GABRG1: variants seen among roughly 807,000 people sequenced by gnomAD.
GABRG1 encodes the protein gamma-aminobutyric acid type A receptor subunit gamma1.
Under a neutral mutation model 49.8 loss-of-function variants are expected in GABRG1, and 49 were observed. The observed-to-expected ratio is 0.98, with a 90% CI of 0.78 to 1.25. The LOEUF is 1.25. GABRG1 is among the 50% of genes most tolerant of loss of function. The pLI is 0.00. For missense variants in GABRG1, 552 were observed against 552.3 expected (o/e 1.00, Z 0.01); for synonymous variants, 232 against 185.1 (o/e 1.25, Z -2.06).
rs957992408 is a variant in GABRG1 at position 46,040,144 on chromosome 4, T to A, written c.*844A>T. 3 of 151,908 alleles carry A rather than the reference T, an allele frequency of 2.0e-5. No individual in the cohort carries two copies. The highest frequency in any genetic ancestry group is 7.2e-5 in the African/African-American group (3 of 41,430). The allele number at this position is 151,908 out of a possible 1,614,324, so 9.4% of individuals were successfully genotyped here. A position where few individuals can be genotyped will look rare whatever the true frequency, so the allele number is the denominator to read the frequency against. On this transcript the variant is annotated 3_prime_UTR_variant, in exon 9 of 9. Transcript: ENST00000295452. ...CTTTCATAAAACATAAAGAAAAAAA[T>A]AATCATTTCTCTCTGCATTTAATTT...
At chr4:46,046,226 G>T (rs1017935466) in intron 8 of GABRG1, among the ~76,000 whole-genome samples, 1 of 151,928 alleles carries the variant, frequency 6.6e-6, no homozygotes, top group Non-Finnish European at 1.5e-5. Flanking sequence ...TGATTAATCT[G>T]GTCCCTTTCT....
intron 2 of GABRG1, among the ~76,000 whole-genome samples, chr4:46,089,363 G>A (rs1719897622): frequency 6.6e-6 from 1 of 152,036 alleles, no homozygotes; most frequent in Admixed American, 6.6e-5. Context: ...GAAGTAACAA[G>A]TAACAAGACT....
Position 46,123,101 on chromosome 4 carries a change from AACACACAC to A in GABRG1, c.104+701_104+708del, listed in dbSNP as rs34086673. ...TCTCTCTCTCTGTCCCATACACACA[AACACACAC>A]ACACACACACACACACACACACACA... On this transcript the variant is annotated intron_variant, in intron 1 of 8. Transcript: ENST00000295452. Among the ~76,000 whole-genome samples the A allele has an allele frequency of 9.5e-3, 1,231 of 129,558 alleles. 8 individuals carry two copies. Among genetic ancestry groups the A allele is most frequent in the African/African-American group, 0.017 (617 of 35,768 alleles). 85.0% of individuals were successfully genotyped at this position (129,558 alleles called of 152,430 possible). A position where few individuals can be genotyped will look rare whatever the true frequency, so the allele number is the denominator to read the frequency against.
At chr4:46,079,834 G>A (rs1719500545) in intron 3 of GABRG1, among the ~76,000 whole-genome samples, 1 of 151,816 alleles carries the variant, frequency 6.6e-6, no homozygotes, top group African/African-American at 2.4e-5. Flanking sequence ...ACTCAGAAGA[G>A]TAAAGATACA....
intron 8 of GABRG1, among the ~76,000 whole-genome samples, chr4:46,043,511 T>C (rs1319427775): frequency 1.3e-5 from 2 of 151,952 alleles, no homozygotes; most frequent in East Asian, 3.9e-4. Flanking sequence ...AAAATATTGA[T>C]GAAACACAGA....
At chr4:46,117,495 A>T (rs561489719) in intron 1 of GABRG1, among the ~76,000 whole-genome samples, 12 of 149,144 alleles carry the variant, frequency 8.0e-5, no homozygotes, top group Middle Eastern at 3.4e-3. Flanking sequence ...ATATACAAAA[A>T]ATTCTACCAA....
intron 5 of GABRG1, among the ~76,000 whole-genome samples, chr4:46,063,626 A>G (rs1325900206): frequency 6.6e-6 from 1 of 152,192 alleles, no homozygotes; most frequent in Non-Finnish European, 1.5e-5. Context: ...ATGGGCAAGG[A>G]CTTCATGTCT....
intron 2 of GABRG1, among the ~76,000 whole-genome samples, chr4:46,088,449 T>C (rs1320485541): frequency 6.6e-6 from 1 of 151,956 alleles, no homozygotes; most frequent in Non-Finnish European, 1.5e-5. Context: ...ATTTATTTTG[T>C]TCTGACTTTT....
chr4:46,041,301 A>T lies in GABRG1; in HGVS notation c.1132-47T>A, dbSNP rs375275249. 1.5e-5 allele frequency: 23 copies of T among 1,582,996 alleles called. No homozygotes were observed. The African/African-American group carries it at 3.0e-4, about 21-fold the overall frequency. ...TTTTTGACATCAAAAAAGTAGCATAAGGAAAGATCAATTTGCTCCTTTAAC... is the reference window on the plus strand; with the variant it reads ...TTTTTGACATCAAAAAAGTAGCATATGGAAAGATCAATTTGCTCCTTTAAC... On this transcript the variant is annotated intron_variant, in intron 8 of 8. Transcript: ENST00000295452.
intron 2 of GABRG1, among the ~76,000 whole-genome samples, chr4:46,086,424 T>C (rs978743948): frequency 6.6e-6 from 1 of 151,610 alleles, no homozygotes; most frequent in Non-Finnish European, 1.5e-5. Flanking sequence ...TTCTTTATAA[T>C]TGATTTTAAC....
chr4:46,078,662 T>C (rs1719448722), intron 3 of GABRG1, among the ~76,000 whole-genome samples: 1 of 151,948 alleles, frequency 6.6e-6, no homozygotes, highest in South Asian at 2.1e-4. Flanking sequence ...ATACAAGTTA[T>C]ATGTCTTGAG....
At chr4:46,059,688 C>T (rs1718598213) in intron 5 of GABRG1, among the ~76,000 whole-genome samples, 1 of 152,130 alleles carries the variant, frequency 6.6e-6, no homozygotes, top group African/African-American at 2.4e-5. Context: ...GCTGAGATTA[C>T]AGGCATGAGC....
chr4:46,103,705 G>A (rs1302937691), intron 1 of GABRG1, among the ~76,000 whole-genome samples: 1 of 151,208 alleles, frequency 6.6e-6, no homozygotes, highest in Non-Finnish European at 1.5e-5. Flanking sequence ...CTTGTCATTT[G>A]AATGTCATTG....
At chr4:46,122,186 T>C (rs987898392) in intron 1 of GABRG1, among the ~76,000 whole-genome samples, 2 of 152,036 alleles carry the variant, frequency 1.3e-5, no homozygotes, top group Admixed American at 1.3e-4. Context: ...TGTAATTGGC[T>C]CTGGAGCCAA....
Position 46,038,834 on chromosome 4 carries a change from A to T in GABRG1, c.*2154T>A, listed in dbSNP as rs1473329109. ...GGAAAGGCATCTTTCATATATTTAC[A>T]AATTTTATTTCCACTTGTAAATATT... On this transcript the variant is annotated 3_prime_UTR_variant, in exon 9 of 9. Coordinates refer to ENST00000295452, the MANE Select transcript of GABRG1 (RefSeq NM_173536.4). 1.3e-5 allele frequency: 2 copies of T among 151,800 alleles called. No homozygotes were observed. Among genetic ancestry groups the T allele is most frequent in the Admixed American group, 1.3e-4 (2 of 15,194 alleles). 9.4% of individuals were successfully genotyped at this position (151,800 alleles called of 1,614,324 possible). A position where few individuals can be genotyped will look rare whatever the true frequency, so the allele number is the denominator to read the frequency against.
chr4:46,094,734 T>C (rs1577661086), intron 2 of GABRG1, among the ~76,000 whole-genome samples: 1 of 151,872 alleles, frequency 6.6e-6, no homozygotes, highest in Non-Finnish European at 1.5e-5. Flanking sequence ...GACCACAAAA[T>C]AAATAATACA....
At chr4:46,115,548 A>T (rs533546944) in intron 1 of GABRG1, among the ~76,000 whole-genome samples, 51 of 150,798 alleles carry the variant, frequency 3.4e-4, no homozygotes, top group Non-Finnish European at 1.0e-4. Flanking sequence ...CAAACTGTAA[A>T]GTAAAATTAA....
chr4:46,051,571 A>C lies in GABRG1; in HGVS notation c.984T>G (p.Ser328=). ...CAAAGAGATCCATCGCAGTCACATA[A>C]GAAACCTTAGGTAAAGACTTCCTGG... ...TIARKSLPKV[S]YVTAMDLFVS... The change falls in exon 8 of 9, where the codon TCT becomes TCG. Residue 328 remains serine, a synonymous_variant. Transcript: ENST00000295452. 3 of 1,611,848 alleles carry C rather than the reference A, an allele frequency of 1.9e-6. No individual in the cohort carries two copies. The highest frequency in any genetic ancestry group is 2.5e-6 in the Non-Finnish European group (3 of 1,178,630).
chr4:46,041,603 CT>C (rs1228852863), intron 8 of GABRG1, among the ~76,000 whole-genome samples: 1 of 151,738 alleles, frequency 6.6e-6, no homozygotes, highest in Non-Finnish European at 1.5e-5. Flanking sequence ...CTATACACAT[CT>C]TTTTTTGCTA....
Sources: gnomAD v4.1 joint callset for allele counts (sites outside exome capture counted in the v4.1 genomes callset) on GRCh38, gnomAD v4.1.1 for gene constraint, MANE v1.5 for transcripts, NCBI Gene and HGNC (gene_info 2026-07-23, HGNC 2026-07-21) for gene names.